Variants in RMDN2 observed in about 807,000 individuals in gnomAD.
RMDN2 encodes regulator of microtubule dynamics 2.
In RMDN2, 61 loss-of-function variants were observed where a neutral mutation model predicts 52.8. That is an observed-to-expected ratio of 1.16 (90% CI 0.94 to 1.43). The LOEUF is 1.43. Ranked by LOEUF, RMDN2 falls within the 40% of genes most tolerant of loss-of-function variation. The pLI, the probability that RMDN2 is intolerant of heterozygous loss-of-function variation, is 0.00. For synonymous variants in RMDN2, 180 were observed against 153.1 expected (o/e 1.18, Z -1.30); for missense variants, 592 against 475.3 (o/e 1.25, Z -2.28).
chr2:38,010,856 C>T (rs997520179), intron 10 of RMDN2, among the ~76,000 whole-genome samples: 4 of 152,152 alleles, frequency 2.6e-5, no homozygotes, highest in Non-Finnish European at 5.9e-5. Context: ...TTGGCTCCAC[C>T]CCAGAGTTTT....
At chr2:37,938,637 C>T (rs13000872) in intron 2 of RMDN2, among the ~76,000 whole-genome samples, 1 of 151,898 alleles carries the variant, frequency 6.6e-6, no homozygotes, top group Admixed American at 6.6e-5. Flanking sequence ...GTGTATGTGT[C>T]CAGGAATTTA....
At chr2:37,953,358 C>T in intron 2 of RMDN2, among the ~76,000 whole-genome samples, 1 of 152,028 alleles carries the variant, frequency 6.6e-6, no homozygotes, top group Admixed American at 6.6e-5. Context: ...TACTCTCTCT[C>T]CCTAGCCCTT....
intron 2 of RMDN2, among the ~76,000 whole-genome samples, chr2:37,970,355 T>A (rs1671636292): frequency 6.6e-6 from 1 of 152,228 alleles, no homozygotes; most frequent in South Asian, 2.1e-4. Context: ...AATTGTCTAA[T>A]GTCAAACTGT....
At chr2:38,044,452 C>T (rs1002583157) in intron 10 of RMDN2, among the ~76,000 whole-genome samples, 1 of 151,986 alleles carries the variant, frequency 6.6e-6, no homozygotes, top group African/African-American at 2.4e-5. Context: ...GTCATTAGTA[C>T]TTCAAATATA....
At chr2:37,974,247 T>A (rs769202514) in intron 3 of RMDN2, 33 bp downstream of exon 3, 1 of 1,415,050 alleles carries the variant, frequency 7.1e-7, no homozygotes, top group Non-Finnish European at 9.5e-7. Flanking sequence ...TTCGTATAGT[T>A]CCATTTTTTA....
chr2:37,922,603 A>G (rs1666061873), upstream of RMDN2, among the ~76,000 whole-genome samples: 1 of 152,246 alleles, frequency 6.6e-6, no homozygotes, highest in Non-Finnish European at 1.5e-5. Context: ...AGATGTTCAC[A>G]GCCTCACAAA....
chr2:37,959,517 A>G (rs1463351450), intron 2 of RMDN2, among the ~76,000 whole-genome samples: 2 of 150,414 alleles, frequency 1.3e-5, no homozygotes, highest in Admixed American at 6.6e-5. Context: ...ATCATTTTTT[A>G]TTGTGTCTAT....
intron 2 of RMDN2, among the ~76,000 whole-genome samples, chr2:37,963,541 A>G (rs1443756011): frequency 6.6e-6 from 1 of 152,248 alleles, no homozygotes; most frequent in East Asian, 1.9e-4. Flanking sequence ...GCTGCCTTCA[A>G]GCATCTGTTT....
Position 37,929,411 on chromosome 2 carries a change from TGG to T in RMDN2, c.136_137del (p.Gly46Ter). 6.4e-7 allele frequency: 1 copy of T among 1,551,642 alleles called. No individual in the cohort carries two copies. The highest frequency in any genetic ancestry group is 1.4e-5 in the African/African-American group (1 of 73,174). ...ATGAAGTTACCTGAATTTCTTTCTC[TGG>T]GTAATACATTTAATTCAATAACTTT... On this transcript the variant is annotated frameshift_variant, in exon 2 of 11. Transcript: ENST00000354545. LOFTEE classifies it high-confidence loss of function.
chr2:38,041,872 A>C (rs1680976603), intron 10 of RMDN2, among the ~76,000 whole-genome samples: 1 of 151,970 alleles, frequency 6.6e-6, no homozygotes, highest in Non-Finnish European at 1.5e-5. Context: ...CTTCTTAAGG[A>C]TTATTTTATC....
chr2:38,036,191 C>T (rs913060434), intron 10 of RMDN2: 1 of 152,220 alleles, frequency 6.6e-6, no homozygotes, highest in Admixed American at 6.5e-5. Context: ...GCATCCGTCA[C>T]CTGCCGGAGC....
chr2:38,033,986 A>G (rs1680402367), intron 10 of RMDN2, among the ~76,000 whole-genome samples: 1 of 152,242 alleles, frequency 6.6e-6, no homozygotes, highest in Non-Finnish European at 1.5e-5. Flanking sequence ...CATCCTATTA[A>G]AAGAATCTGT....
At chr2:37,963,561 C>T (rs1333968932) in intron 2 of RMDN2, among the ~76,000 whole-genome samples, 2 of 152,206 alleles carry the variant, frequency 1.3e-5, no homozygotes, top group Admixed American at 6.5e-5. Context: ...TAACAAAGCA[C>T]ATCTTGCACT....
At chr2:38,008,399 G>A (rs1024887853) in intron 10 of RMDN2, among the ~76,000 whole-genome samples, 1 of 152,124 alleles carries the variant, frequency 6.6e-6, no homozygotes, top group Non-Finnish European at 1.5e-5. Flanking sequence ...CCTGTATTGG[G>A]TGCATATATA....
upstream of RMDN2, among the ~76,000 whole-genome samples, chr2:37,922,881 G>A (rs535068893): frequency 2.6e-5 from 4 of 152,326 alleles, no homozygotes; most frequent in African/African-American, 9.6e-5. Context: ...AGCTTGTGGA[G>A]AGACGATCAG....
At chr2:37,970,487 A>G (rs1671668445) in intron 2 of RMDN2, among the ~76,000 whole-genome samples, 1 of 152,156 alleles carries the variant, frequency 6.6e-6, no homozygotes, top group Non-Finnish European at 1.5e-5. Flanking sequence ...AGATTGGCCT[A>G]TAATTTTTAT....
chr2:37,995,924 A>T (rs1365288327), intron 7 of RMDN2, among the ~76,000 whole-genome samples: 1 of 152,214 alleles, frequency 6.6e-6, no homozygotes, highest in Non-Finnish European at 1.5e-5. Flanking sequence ...TGTTTCAAGG[A>T]TATGTATGGA....
intron 2 of RMDN2, chr2:37,951,444 T>C (rs1187518356): frequency 6.2e-7 from 1 of 1,612,662 alleles, no homozygotes. Context: ...TGAAAGAAGA[T>C]ATTCTTTATT....
intron 10 of RMDN2, among the ~76,000 whole-genome samples, chr2:38,064,301 C>T (rs1166299617): frequency 6.6e-6 from 1 of 152,020 alleles, no homozygotes; most frequent in African/African-American, 2.4e-5. Context: ...ACTAGCCTAA[C>T]CAACATGGTG....
Sources: allele counts gnomAD v4.1 joint callset (sites outside exome capture counted in the v4.1 genomes callset), GRCh38; gene constraint gnomAD v4.1.1; transcripts MANE v1.5; gene names NCBI Gene and HGNC (gene_info 2026-07-23, HGNC 2026-07-21).